Variants in SH3RF3 observed in about 807,000 individuals in gnomAD.
The protein encoded by SH3RF3 is SH3 domain containing ring finger 3, also known as E3 ubiquitin-protein ligase SH3RF3.
Under a neutral mutation model 66.3 loss-of-function variants are expected in SH3RF3, and 29 were observed. That is an observed-to-expected ratio of 0.44 (90% CI 0.33 to 0.60). SH3RF3 has a LOEUF of 0.60. Among genes scored for constraint, SH3RF3 ranks in the 20% least tolerant of loss-of-function variants. SH3RF3 has a pLI of 0.04. For missense variants in SH3RF3, 1,194 were observed against 1,190.9 expected (o/e 1.00, Z -0.04); for synonymous variants, 583 against 532.0 (o/e 1.10, Z -1.32).
chr2:109,444,750 C>A (rs1010448383), intron 7 of SH3RF3, among the ~76,000 whole-genome samples: 9 of 152,128 alleles, frequency 5.9e-5, no homozygotes, highest in African/African-American at 2.2e-4. Flanking sequence ...GAAAAGTAGA[C>A]AAAGAGCCGC....
At chr2:109,230,304 A>G (rs1423642346) in intron 1 of SH3RF3, among the ~76,000 whole-genome samples, 1 of 152,108 alleles carries the variant, frequency 6.6e-6, no homozygotes, top group Non-Finnish European at 1.5e-5. Context: ...GGCCAGGCAT[A>G]GTGCCTCACG....
Position 109,361,127 on chromosome 2 carries a change from T to G in SH3RF3, c.850-10459T>G, listed in dbSNP as rs1305909385. ...AGCCTGTGGATATGATAGGTTACATTTATTGATTTTTAGATGTTGAGCCAG... is the reference window on the plus strand; with the variant it reads ...AGCCTGTGGATATGATAGGTTACATGTATTGATTTTTAGATGTTGAGCCAG... On this transcript the variant is annotated intron_variant, in intron 2 of 9. Transcript: ENST00000309415. Among the ~76,000 whole-genome samples, 3 of 152,228 alleles carry G rather than the reference T, an allele frequency of 2.0e-5. No homozygotes were observed. The South Asian group carries it at 6.2e-4, about 31-fold the overall frequency.
chr2:109,232,935 G>A (rs1679548267), intron 1 of SH3RF3, among the ~76,000 whole-genome samples: 2 of 152,182 alleles, frequency 1.3e-5, no homozygotes, highest in African/African-American at 2.4e-5. Flanking sequence ...GCACCACTGA[G>A]ACAGGAGAGT....
At chr2:109,135,517 T>G (rs749657695) in intron 1 of SH3RF3, among the ~76,000 whole-genome samples, 2 of 152,252 alleles carry the variant, frequency 1.3e-5, no homozygotes, top group Non-Finnish European at 2.9e-5. Flanking sequence ...GGCTGTCGTT[T>G]CAGTGCCTGT....
chr2:109,223,471 G>A (rs891866735), intron 1 of SH3RF3, among the ~76,000 whole-genome samples: 1 of 152,234 alleles, frequency 6.6e-6, no homozygotes, highest in Non-Finnish European at 1.5e-5. Flanking sequence ...TTGGGAGTGG[G>A]CATGGCCTGC....
intron 3 of SH3RF3, among the ~76,000 whole-genome samples, chr2:109,396,719 A>T (rs1463865848): frequency 6.6e-6 from 1 of 152,102 alleles, no homozygotes; most frequent in Admixed American, 6.5e-5. Context: ...GGTGTGGGGG[A>T]CAGGCCCCTC....
intron 3 of SH3RF3, among the ~76,000 whole-genome samples, chr2:109,379,767 C>T (rs1029379886): frequency 6.6e-5 from 10 of 152,106 alleles, no homozygotes; most frequent in Non-Finnish European, 1.2e-4. Context: ...TTTGTAAAGC[C>T]CTCCTGCAGG....
At chr2:109,253,290 A>G (rs1022797248) in intron 1 of SH3RF3, among the ~76,000 whole-genome samples, 5 of 152,202 alleles carry the variant, frequency 3.3e-5, no homozygotes, top group African/African-American at 1.2e-4. Flanking sequence ...AAGTGCTGGG[A>G]TTGCAGGCAT....
In SH3RF3 at chr2:109,355,517, C is replaced by A. The variant is rs965251509; in HGVS notation, c.849+7568C>A. Among the ~76,000 whole-genome samples the A allele has an allele frequency of 4.6e-5, 7 of 152,330 alleles. No individual in the cohort carries two copies. The East Asian group carries it at 1.3e-3, about 29-fold the overall frequency. On this transcript the variant is annotated intron_variant, in intron 2 of 9. Coordinates refer to ENST00000309415, the MANE Select transcript of SH3RF3 (RefSeq NM_001099289.3). The stretch of plus-strand genomic sequence containing the variant: ...CTACAATGGAGGGTTGAGTAATTGA[C>A]CTACAACTCCTGAAATAGTCTCTGG...
rs141064328 is a variant in SH3RF3 at position 109,396,158 on chromosome 2, G to C, written c.946-2432G>C. Among the ~76,000 whole-genome samples the C allele has an allele frequency of 4.0e-3, 616 of 152,316 alleles. 1 individual carries two copies. The highest frequency in any genetic ancestry group is 0.014 in the African/African-American group (600 of 41,546). ...CTGTCAAGTGGGCAGAGAACACTGGGGTCCAGAAAGCTGGCTCCCAGGTAT... is the reference window on the plus strand; with the variant it reads ...CTGTCAAGTGGGCAGAGAACACTGGCGTCCAGAAAGCTGGCTCCCAGGTAT... On this transcript the variant is annotated intron_variant, in intron 3 of 9. Transcript: ENST00000309415.
intron 5 of SH3RF3, among the ~76,000 whole-genome samples, chr2:109,429,380 C>T (rs1171356808): frequency 6.6e-6 from 1 of 152,120 alleles, no homozygotes; most frequent in Non-Finnish European, 1.5e-5. Flanking sequence ...TCCAGTTCCC[C>T]CAGCAACCTA....
At chr2:109,278,315 A>T (rs1226636769) in intron 1 of SH3RF3, among the ~76,000 whole-genome samples, 1 of 152,198 alleles carries the variant, frequency 6.6e-6, no homozygotes, top group Non-Finnish European at 1.5e-5. Flanking sequence ...CACACATAGC[A>T]GCAGGCTGGT....
In SH3RF3 at chr2:109,456,965, G is replaced by A. The variant is rs551732772; in HGVS notation, c.2148+7476G>A. Among the ~76,000 whole-genome samples, 3 of 152,334 alleles carry A rather than the reference G, an allele frequency of 2.0e-5. No individual in the cohort carries two copies. In the South Asian group the frequency reaches 6.2e-4, roughly 32 times the overall value. On this transcript the variant is annotated intron_variant, in intron 8 of 9. Transcript: ENST00000309415. Reference sequence around the variant, plus strand: ...TCAACAGCGAGTGAAGCTTGAATTTGGAGGAGGAAGACACAGTGGATTAAT... The same window carrying A: ...TCAACAGCGAGTGAAGCTTGAATTTAGAGGAGGAAGACACAGTGGATTAAT...
intron 9 of SH3RF3, among the ~76,000 whole-genome samples, chr2:109,495,841 A>G (rs536765775): frequency 6.6e-6 from 1 of 152,180 alleles, no homozygotes; most frequent in Non-Finnish European, 1.5e-5. Flanking sequence ...AAATGGGGAT[A>G]ATAATACATG....
chr2:109,216,460 C>A (rs761047689), intron 1 of SH3RF3, among the ~76,000 whole-genome samples: 6 of 152,190 alleles, frequency 3.9e-5, no homozygotes, highest in African/African-American at 9.7e-5. Flanking sequence ...CACTTGAGGG[C>A]GGTGCAGGGC....
intron 3 of SH3RF3, among the ~76,000 whole-genome samples, chr2:109,393,163 G>T (rs1320620900): frequency 6.6e-6 from 1 of 152,192 alleles, no homozygotes; most frequent in Non-Finnish European, 1.5e-5. Context: ...GAAGCTTTAA[G>T]GCCAGCAACC....
chr2:109,478,899 T>C (rs950374362), intron 8 of SH3RF3, among the ~76,000 whole-genome samples: 1 of 152,200 alleles, frequency 6.6e-6, no homozygotes, highest in African/African-American at 2.4e-5. Context: ...TCAGGGATGC[T>C]GTGGGTTGGG....
intron 1 of SH3RF3, among the ~76,000 whole-genome samples, chr2:109,182,106 A>G (rs1678087960): frequency 6.6e-6 from 1 of 152,234 alleles, no homozygotes; most frequent in Admixed American, 6.5e-5. Context: ...CTGTTGAAGC[A>G]TGAAGAGGTT....
chr2:109,143,687 G>A (rs931140208), intron 1 of SH3RF3, among the ~76,000 whole-genome samples: 2 of 152,090 alleles, frequency 1.3e-5, no homozygotes, highest in African/African-American at 4.8e-5. Context: ...CCAGGAGGTT[G>A]AGGCTGCAGT....
Sources: allele counts gnomAD v4.1 joint callset (sites outside exome capture counted in the v4.1 genomes callset), GRCh38; gene constraint gnomAD v4.1.1; transcripts MANE v1.5; gene names NCBI Gene and HGNC (gene_info 2026-07-23, HGNC 2026-07-21).